The following NEIL2 variants were observed in gnomAD, a reference collection of about 807,000 sequenced individuals.
NEIL2 encodes the protein endonuclease 8-like 2.
In NEIL2, 23 loss-of-function variants were observed where a neutral mutation model predicts 22.2. The observed-to-expected ratio is 1.04, with a 90% confidence interval of 0.75 to 1.47. The LOEUF (loss-of-function observed/expected upper bound fraction) is 1.47. Ranked by LOEUF, NEIL2 falls within the 40% of genes most tolerant of loss-of-function variation. NEIL2 has a pLI of 0.00. For synonymous variants in NEIL2, 229 were observed against 164.8 expected, an observed-to-expected ratio of 1.39 and a Z score of -2.99; for missense variants, 583 against 404.7, an observed-to-expected ratio of 1.44 and a Z score of -3.78.
Position 11,779,663 on chromosome 8 carries a change from C to G in NEIL2, c.204C>G (p.Ser68Arg). ...LDEEMGPPGS[S>R]PTPEPPQKEV... is the part of the protein sequence containing the mutation. ...AAGAAATGGGGCCCCCTGGCAGCAG[C>G]CCAACACCAGAGCCTCCACAAAAAG... The change falls in exon 3 of 5, where the codon AGC (serine) becomes AGG (arginine). Residue 68 changes from serine (S) to arginine (R), a missense_variant. Physicochemically the swap from Ser to Arg is moderately radical, Grantham distance 110 (BLOSUM62 -1). Transcript: ENST00000284503. 6.2e-7 allele frequency: 1 copy of G among 1,613,868 alleles called. No homozygotes were observed. The highest frequency in any genetic ancestry group is 8.5e-7 in the Non-Finnish European group (1 of 1,179,982).
chr8:11,779,876 C>T lies in NEIL2; in HGVS notation c.417C>T (p.Gly139=), dbSNP rs200494769. 1.2e-6 allele frequency: 2 copies of T among 1,614,134 alleles called. No homozygotes were observed. Among genetic ancestry groups the T allele is most frequent in the Non-Finnish European group, 1.7e-6 (2 of 1,180,024 alleles). ...TGCGTGTCAGCTTTGGTTTGTTTGG[C>T]AGCGTTTGGGTGAACGATTTCTCCA... is the stretch of plus-strand genomic sequence containing the variant. ...RWLRVSFGLF[G]SVWVNDFSRA... is the part of the protein sequence containing the mutation. The change falls in exon 3 of 5, where the codon GGC becomes GGT. Residue 139 remains glycine, a synonymous_variant. Transcript: ENST00000284503.
At chr8:11,771,354 A>C in intron 1 of NEIL2, 92 bp from the exon 2 acceptor site, 3 of 1,542,828 alleles carry the variant, frequency 1.9e-6, no homozygotes, top group Non-Finnish European at 2.7e-6. Flanking sequence ...TGGCAGCAAA[A>C]ATGGCGGCAT....
intron 2 of NEIL2, among the ~76,000 whole-genome samples, chr8:11,771,897 T>C (rs776543618): frequency 6.6e-6 from 1 of 152,034 alleles, no homozygotes; most frequent in African/African-American, 2.4e-5. Context: ...CCTGAGCCAG[T>C]GGAGAATTAA....
chr8:11,777,714 G>A (rs1355194130), intron 2 of NEIL2, among the ~76,000 whole-genome samples: 1 of 152,200 alleles, frequency 6.6e-6, no homozygotes, highest in African/African-American at 2.4e-5. Flanking sequence ...GGGAAGATTG[G>A]AGATTGTTGT....
intron 4 of NEIL2, among the ~76,000 whole-genome samples, chr8:11,784,663 T>C (rs541452708): frequency 1.5e-4 from 23 of 152,294 alleles, no homozygotes; most frequent in African/African-American, 5.1e-4. Flanking sequence ...CCAGCAAGCA[T>C]GGACTCAGTC....
chr8:11,772,518 G>T (rs1451857658), intron 2 of NEIL2, among the ~76,000 whole-genome samples: 1 of 152,180 alleles, frequency 6.6e-6, no homozygotes, highest in Non-Finnish European at 1.5e-5. Context: ...AGAGAAGCCT[G>T]CCCTGTCTGC....
At chr8:11,779,470 A>G in intron 2 of NEIL2, 128 bp from the exon 3 acceptor site, 1 of 816,680 alleles carries the variant, frequency 1.2e-6, no homozygotes, top group Non-Finnish European at 2.1e-6. Context: ...GCAGAGTCCA[A>G]AGACTTCATT....
At chr8:11,772,956 C>T (rs959326394) in intron 2 of NEIL2, among the ~76,000 whole-genome samples, 4 of 152,126 alleles carry the variant, frequency 2.6e-5, no homozygotes, top group African/African-American at 9.6e-5. Context: ...GTTTTAAAAC[C>T]GTTGTTAGTT....
At position 11,785,968 on chromosome 8, in the gene NEIL2, A is replaced by G. The variant is rs2130553379; in HGVS notation, c.694A>G (p.Ile232Val). ...CTTCCCCCGCTTTATTTCAGGGAAC[A>G]TCATTAAGAATGAAGCCTTGTACAG... ...DQRYFSGLGN[I>V]IKNEALYRAG... Residue 232 changes from isoleucine to valine, a missense_variant, in exon 5 of 5, where the codon ATC becomes GTC. Transcript: ENST00000284503. 1 of 1,613,892 alleles carries G rather than the reference A, an allele frequency of 6.2e-7. No homozygotes were observed.
intron 1 of NEIL2, among the ~76,000 whole-genome samples, 166 bp from the exon 2 acceptor site, chr8:11,771,280 C>G (rs536876815): frequency 4.3e-4 from 65 of 152,324 alleles, no homozygotes; most frequent in African/African-American, 1.5e-3. Flanking sequence ...AGCTGCTCTT[C>G]TCTATGATCT....
chr8:11,783,852 C>T (rs1371452593), intron 4 of NEIL2, among the ~76,000 whole-genome samples: 2 of 152,140 alleles, frequency 1.3e-5, no homozygotes, highest in Non-Finnish European at 2.9e-5. Flanking sequence ...CCTGCCCTGG[C>T]CAGGGCACAG....
chr8:11,783,896 C>T (rs774986908), intron 4 of NEIL2, among the ~76,000 whole-genome samples: 2 of 152,208 alleles, frequency 1.3e-5, no homozygotes, highest in Non-Finnish European at 2.9e-5. Flanking sequence ...TCTTATGCGA[C>T]GCGAGTGAAG....
chr8:11,771,294 C>T (rs1803412112), intron 1 of NEIL2, among the ~76,000 whole-genome samples, 152 bp from the exon 2 acceptor site: 1 of 152,168 alleles, frequency 6.6e-6, no homozygotes, highest in Admixed American at 6.5e-5. Flanking sequence ...ATGATCTGAC[C>T]GCCTCCCAGC....
chr8:11,782,378 T>C (rs1804502855), intron 3 of NEIL2, among the ~76,000 whole-genome samples: 1 of 152,174 alleles, frequency 6.6e-6, no homozygotes, highest in African/African-American at 2.4e-5. Context: ...TGAGCCAAGA[T>C]AGTGCCACTG....
At chr8:11,780,380 GT>G (rs1408002248) in intron 3 of NEIL2, among the ~76,000 whole-genome samples, 1 of 152,096 alleles carries the variant, frequency 6.6e-6, no homozygotes, top group Non-Finnish European at 1.5e-5. Flanking sequence ...AGCTTGATGA[GT>G]TTTTTTGCTT....
intron 3 of NEIL2, among the ~76,000 whole-genome samples, chr8:11,782,366 A>G (rs1804501501): frequency 6.6e-6 from 1 of 152,204 alleles, no homozygotes; most frequent in Admixed American, 6.5e-5. Context: ...AAGAGATTGC[A>G]GTGAGCCAAG....
At chr8:11,782,158 C>T (rs763954701) in intron 3 of NEIL2, among the ~76,000 whole-genome samples, 13 of 152,044 alleles carry the variant, frequency 8.6e-5, no homozygotes, top group Non-Finnish European at 5.9e-5. Context: ...TGTGGTGGCT[C>T]ACACCTGTAA....
intron 2 of NEIL2, among the ~76,000 whole-genome samples, chr8:11,772,357 C>G (rs1184148901): frequency 6.6e-6 from 1 of 152,186 alleles, no homozygotes; most frequent in Non-Finnish European, 1.5e-5. Context: ...ATGAAACTGC[C>G]TTTGGCTCTT....
chr8:11,778,943 G>GA (rs57173797), intron 2 of NEIL2, among the ~76,000 whole-genome samples: 8,179 of 44,342 alleles, frequency 0.18, 1,683 homozygotes, highest in East Asian at 0.48. Context: ...GACTCCATCT[G>GA]AAAAAAAAAA....
Sources: allele counts gnomAD v4.1 joint callset (sites outside exome capture counted in the v4.1 genomes callset), GRCh38; gene constraint gnomAD v4.1.1; transcripts MANE v1.5; gene names NCBI Gene and HGNC (gene_info 2026-07-23, HGNC 2026-07-21).